The following HMGA1 variants were observed in gnomAD, a reference collection of about 807,000 sequenced individuals.
HMGA1 encodes high mobility group protein HMG-I/HMG-Y.
A neutral mutation model predicts 15.1 loss-of-function variants in HMGA1; 1 was observed. That is an observed-to-expected ratio of 0.07 (90% CI 0.02 to 0.31). The LOEUF is 0.31. HMGA1 is among the 10% of genes least tolerant of loss of function. The pLI, the probability that HMGA1 is intolerant of heterozygous loss-of-function variation, is 1.00. For synonymous variants in HMGA1, 56 were observed against 54.8 expected, an observed-to-expected ratio of 1.02 and a Z score of -0.10; for missense variants, 94 against 141.4, an observed-to-expected ratio of 0.66 and a Z score of 1.70.
intron 2 of HMGA1, among the ~76,000 whole-genome samples, chr6:34,239,302 TC>T (rs1367235560): frequency 6.7e-6 from 1 of 150,256 alleles, no homozygotes; most frequent in East Asian, 2.0e-4. Flanking sequence ...GACATGGGAG[TC>T]CCACCGTATT....
intron 2 of HMGA1, among the ~76,000 whole-genome samples, chr6:34,237,622 T>C (rs2042417852): frequency 6.8e-6 from 1 of 146,268 alleles, no homozygotes; most frequent in South Asian, 2.1e-4. Flanking sequence ...CGAGCGCGAG[T>C]TGTGCACCCG....
intron 2 of HMGA1, 125 bp downstream of exon 2, chr6:34,237,442 C>T (rs1761861100): frequency 7.0e-6 from 1 of 142,868 alleles, no homozygotes; most frequent in South Asian, 2.1e-4. Flanking sequence ...ATTCCCAGGC[C>T]GGGGCGGCGC....
chr6:34,241,733 C>G (rs1762326072), intron 3 of HMGA1, among the ~76,000 whole-genome samples: 1 of 152,230 alleles, frequency 6.6e-6, no homozygotes, highest in African/African-American at 2.4e-5. Flanking sequence ...CCAGTTACTT[C>G]CCTTCCCTGG....
intron 5 of HMGA1, among the ~76,000 whole-genome samples, 156 bp from the exon 6 acceptor site, chr6:34,244,675 C>T (rs192874921): frequency 6.6e-6 from 1 of 152,174 alleles, no homozygotes; most frequent in Non-Finnish European, 1.5e-5. Flanking sequence ...ATGAATGAAG[C>T]CGGGCCGTGG....
intron 4 of HMGA1, 69 bp downstream of exon 4, chr6:34,242,864 C>A: frequency 8.3e-7 from 1 of 1,211,654 alleles, no homozygotes; most frequent in Non-Finnish European, 1.2e-6. Flanking sequence ...GCACCATGGC[C>A]ACGGCTGTGG....
At position 34,245,292 on chromosome 6, in the gene HMGA1, A is replaced by G. The variant is rs1357868589; in HGVS notation, c.*408A>G. ...CCTTCACTGTTCCCTCTGGCTTCCC[A>G]TAGTGGGGCCTGGGAGGGTTCCCCT... On this transcript the variant is annotated 3_prime_UTR_variant, in exon 6 of 6. Coordinates refer to ENST00000311487, the MANE Select transcript of HMGA1 (RefSeq NM_145899.3). 1 of 1,371,368 alleles carries G rather than the reference A, an allele frequency of 7.3e-7. No homozygotes were observed. The highest frequency in any genetic ancestry group is 9.6e-7 in the Non-Finnish European group (1 of 1,039,814). 84.9% of individuals were successfully genotyped at this position (1,371,368 alleles called of 1,614,324 possible). A position where few individuals can be genotyped will look rare whatever the true frequency, so the allele number is the denominator to read the frequency against.
chr6:34,243,244 A>G (rs1230020422), intron 4 of HMGA1, among the ~76,000 whole-genome samples: 1 of 151,972 alleles, frequency 6.6e-6, no homozygotes, highest in Non-Finnish European at 1.5e-5. Flanking sequence ...CACGACTCAT[A>G]TCCTCTGAGT....
Position 34,245,443 on chromosome 6 carries a change from G to T in HMGA1, c.*559G>T. On this transcript the variant is annotated 3_prime_UTR_variant, in exon 6 of 6. Coordinates refer to ENST00000311487, the MANE Select transcript of HMGA1 (RefSeq NM_145899.3). ...GGATTCCCCCAGCCAAACTGTCTTTGTCACCACGTGGGGCTCACTTTTCAT... is the reference window on the plus strand; with the variant it reads ...GGATTCCCCCAGCCAAACTGTCTTTTTCACCACGTGGGGCTCACTTTTCAT... The T allele has an allele frequency of 7.3e-7, 1 of 1,371,868 alleles. No homozygotes were observed. 85.0% of individuals were successfully genotyped at this position (1,371,868 alleles called of 1,614,324 possible).
intron 2 of HMGA1, among the ~76,000 whole-genome samples, chr6:34,239,883 C>T (rs1172181437): frequency 6.6e-6 from 1 of 152,106 alleles, no homozygotes; most frequent in Non-Finnish European, 1.5e-5. Context: ...AGGATGAGCC[C>T]TAAACCTCAT....
At chr6:34,238,229 C>G (rs950054772) in intron 2 of HMGA1, among the ~76,000 whole-genome samples, 2 of 151,950 alleles carry the variant, frequency 1.3e-5, no homozygotes, top group Non-Finnish European at 2.9e-5. Flanking sequence ...TGCTTTCCCG[C>G]GCCTGCAGGA....
At chr6:34,238,671 C>T (rs1203516877) in intron 2 of HMGA1, 2 of 152,232 alleles carry the variant, frequency 1.3e-5, no homozygotes, top group Non-Finnish European at 2.9e-5. Flanking sequence ...AAATGTAGTT[C>T]CTCCAAGACA....
At chr6:34,241,573 C>T (rs1762312895) in intron 3 of HMGA1, among the ~76,000 whole-genome samples, 1 of 152,208 alleles carries the variant, frequency 6.6e-6, no homozygotes, top group African/African-American at 2.4e-5. Context: ...GTGCTGCTCT[C>T]CCCACAAAGT....
At chr6:34,244,356 C>T (rs1195522648) in intron 5 of HMGA1, among the ~76,000 whole-genome samples, 2 of 152,104 alleles carry the variant, frequency 1.3e-5, no homozygotes, top group African/African-American at 4.8e-5. Flanking sequence ...TAGGGTCAGC[C>T]CTCGGCCACC....
rs556924403 is a variant in HMGA1 at position 34,245,607 on chromosome 6, T to C, written c.*723T>C. 1.3e-5 allele frequency: 18 copies of C among 1,380,722 alleles called. No individual in the cohort carries two copies. Among genetic ancestry groups the C allele is most frequent in the East Asian group, 3.4e-5 (1 of 29,174 alleles). 85.5% of individuals were successfully genotyped at this position (1,380,722 alleles called of 1,614,324 possible). Reference sequence around the variant, plus strand: ...CCTCCGCCTGGGATCTGAGTACATATTGTGGTGATGGAGATGCAGTCACTT... The same window carrying C: ...CCTCCGCCTGGGATCTGAGTACATACTGTGGTGATGGAGATGCAGTCACTT... On this transcript the variant is annotated 3_prime_UTR_variant, in exon 6 of 6. Transcript: ENST00000311487.
intron 4 of HMGA1, among the ~76,000 whole-genome samples, chr6:34,243,014 A>G (rs969542089): frequency 2.0e-5 from 3 of 152,090 alleles, no homozygotes; most frequent in Non-Finnish European, 4.4e-5. Context: ...TGCCCAGGAC[A>G]CTGCGGAGAT....
chr6:34,243,668 A>T (rs1316971033), intron 5 of HMGA1, 150 bp downstream of exon 5: 1 of 758,778 alleles, frequency 1.3e-6, no homozygotes, highest in African/African-American at 1.7e-5. Context: ...AGAGAGGGGA[A>T]GGTACCTGGC....
intron 2 of HMGA1, among the ~76,000 whole-genome samples, chr6:34,238,153 G>C (rs953185616): frequency 6.6e-5 from 10 of 152,170 alleles, no homozygotes; most frequent in Non-Finnish European, 8.8e-5. Flanking sequence ...GCGGGCTTGG[G>C]TGCCCCCTCT....
chr6:34,243,274 A>G (rs1762447354), intron 4 of HMGA1, among the ~76,000 whole-genome samples, 194 bp from the exon 5 acceptor site: 1 of 151,914 alleles, frequency 6.6e-6, no homozygotes, highest in African/African-American at 2.4e-5. Flanking sequence ...AGGTGGGAGT[A>G]GGGGGCGTGT....
rs928410471 is a variant in HMGA1, at chr6:34,239,202, C to G, written c.-44-1535C>G. ...ATGCTTGAAAATGGAGGTCCTGGGC[C>G]CTCTAGAAATCACAAGTTTGCAAAA... On this transcript the variant is annotated intron_variant, in intron 2 of 5. Transcript: ENST00000311487. Among the ~76,000 whole-genome samples the G allele has an allele frequency of 2.0e-5, 3 of 151,996 alleles. No individual in the cohort carries two copies. The East Asian group carries it at 5.8e-4, about 29-fold the overall frequency.
Sources: gnomAD v4.1 joint callset for allele counts (sites outside exome capture counted in the v4.1 genomes callset) on GRCh38, gnomAD v4.1.1 for gene constraint, MANE v1.5 for transcripts, NCBI Gene and HGNC (gene_info 2026-07-23, HGNC 2026-07-21) for gene names.